Variants in TMEM64 observed in about 807,000 individuals in gnomAD.
TMEM64 encodes the protein transmembrane protein 64.
TMEM64 carries 19 observed loss-of-function variants against 24.5 expected under a neutral mutation model. That is an observed-to-expected ratio of 0.78 (90% CI 0.54 to 1.14). The LOEUF (loss-of-function observed/expected upper bound fraction) is 1.14, where lower values mean the gene tolerates loss of function less well. TMEM64 is among the 50% of genes most tolerant of loss of function. TMEM64 has a pLI of 0.00. For synonymous variants in TMEM64, 262 were observed against 224.7 expected (o/e 1.17, Z -1.49); for missense variants, 487 against 493.0 (o/e 0.99, Z 0.12).
At chr8:90,630,947 C>T (rs1809427049) in intron 2 of TMEM64, among the ~76,000 whole-genome samples, 1 of 152,176 alleles carries the variant, frequency 6.6e-6, no homozygotes, top group Non-Finnish European at 1.5e-5. Flanking sequence ...CTTTCATCAA[C>T]TTCTTATGTA....
Position 90,645,187 on chromosome 8 carries a change from C to T in TMEM64, c.719G>A (p.Gly240Glu). 1 of 1,614,194 alleles carries T rather than the reference C, an allele frequency of 6.2e-7. No individual in the cohort carries two copies. Among genetic ancestry groups the T allele is most frequent in the Non-Finnish European group, 8.5e-7 (1 of 1,180,028 alleles). Residue 240 changes from glycine to glutamate, a missense_variant, in exon 1 of 3, where the codon GGA (glycine) becomes GAA (glutamate). Physicochemically the swap from Gly to Glu is moderately conservative, Grantham distance 98. Coordinates refer to ENST00000458549, the MANE Select transcript of TMEM64 (RefSeq NM_001008495.4). The surrounding 1 kb of genome is among the most constrained non-coding windows in gnomAD (Gnocchi z 4.2). ...CGCCACCACTTTCAGGCCGCTTCCT[C>T]CCTCCACTACGCGAATAACCGCGCT... is the stretch of plus-strand genomic sequence containing the variant. ...KLSAVIRVVEGGSGLKVVALA... is the reference protein window; with the variant it reads ...KLSAVIRVVEEGSGLKVVALA...
At chr8:90,639,418 G>T (rs982126954) in intron 1 of TMEM64, among the ~76,000 whole-genome samples, 7 of 152,094 alleles carry the variant, frequency 4.6e-5, no homozygotes, top group Admixed American at 1.3e-4. Flanking sequence ...TTCTCTCAAG[G>T]GGGGAAAAAT....
chr8:90,623,665 TCATTA>T lies in TMEM64; in HGVS notation c.*2001_*2005del. On this transcript the variant is annotated 3_prime_UTR_variant, in exon 3 of 3. Transcript: ENST00000458549. The stretch of plus-strand genomic sequence containing the variant: ...AGCAAAGTGTAACAATTAGAAGAAC[TCATTA>T]CAAACTACCAAAATGTATTCATTTG... The T allele has an allele frequency of 6.6e-6, 1 of 152,636 alleles. No individual in the cohort carries two copies. The highest frequency in any genetic ancestry group is 1.5e-5 in the Non-Finnish European group (1 of 67,962). The allele number at this position is 152,636 out of a possible 1,614,324, so 9.5% of individuals were successfully genotyped here. A position where few individuals can be genotyped will look rare whatever the true frequency, so the allele number is the denominator to read the frequency against.
rs1364337779 is a variant in TMEM64 at position 90,645,017 on chromosome 8, C to T, written c.795+94G>A. 2.3e-6 allele frequency: 3 copies of T among 1,328,438 alleles called. No individual in the cohort carries two copies. The highest frequency in any genetic ancestry group is 2.9e-5 in the African/African-American group (2 of 68,178). 82.3% of individuals were successfully genotyped at this position (1,328,438 alleles called of 1,614,324 possible). A position where few individuals can be genotyped will look rare whatever the true frequency, so the allele number is the denominator to read the frequency against. On this transcript the variant is annotated intron_variant, in intron 1 of 2. Coordinates refer to ENST00000458549, the MANE Select transcript of TMEM64 (RefSeq NM_001008495.4). The surrounding 1 kb of genome is among the most constrained non-coding windows in gnomAD (Gnocchi z 4.2). ...TCCTGCCGTCAATGTCACTTCTCTG[C>T]TGGTATTTATCTGATAGAGCGCCCT...
At chr8:90,630,913 T>C (rs906549539) in intron 2 of TMEM64, among the ~76,000 whole-genome samples, 10 of 152,226 alleles carry the variant, frequency 6.6e-5, no homozygotes, top group Admixed American at 2.6e-4. Flanking sequence ...CTAAAGAAAT[T>C]TGCCTATGTG....
intron 1 of TMEM64, among the ~76,000 whole-genome samples, chr8:90,642,279 T>C (rs550904762): frequency 6.6e-6 from 1 of 152,308 alleles, no homozygotes. Flanking sequence ...GAAGGCCAGA[T>C]GGCACAGACT....
chr8:90,643,945 G>C (rs369510912), intron 1 of TMEM64, among the ~76,000 whole-genome samples: 42 of 152,134 alleles, frequency 2.8e-4, no homozygotes, highest in African/African-American at 9.7e-4. Context: ...AAAGAGAAAG[G>C]TTTTAATTTC....
At chr8:90,640,389 T>A (rs182780603) in intron 1 of TMEM64, among the ~76,000 whole-genome samples, 6 of 152,344 alleles carry the variant, frequency 3.9e-5, no homozygotes, top group Non-Finnish European at 8.8e-5. Flanking sequence ...AATGTGTATT[T>A]TTATAACACA....
intron 1 of TMEM64, among the ~76,000 whole-genome samples, chr8:90,641,679 C>G (rs1425219946): frequency 4.6e-5 from 7 of 152,302 alleles, no homozygotes; most frequent in African/African-American, 1.4e-4. Context: ...TGTGCCTCAA[C>G]TGCTTCAGCT....
chr8:90,632,816 C>A (rs1423328533), intron 1 of TMEM64, among the ~76,000 whole-genome samples: 1 of 152,006 alleles, frequency 6.6e-6, no homozygotes, highest in African/African-American at 2.4e-5. Flanking sequence ...CTAGGAAATA[C>A]CTGGCATATG....
At position 90,645,208 on chromosome 8, in the gene TMEM64, G is replaced by A; in HGVS notation, c.698C>T (p.Ala233Val). 1 of 1,614,164 alleles carries A rather than the reference G, an allele frequency of 6.2e-7. No homozygotes were observed. ...TCCTCCCTCCACTACGCGAATAACC[G>A]CGCTCAGCTTCTCGCTGCTCTGGAT... ...ARIQSSEKLS[A>V]VIRVVEGGSG... Residue 233 changes from alanine to valine, a missense_variant, in exon 1 of 3, where the codon GCG becomes GTG. Physicochemically the swap from Ala to Val is moderately conservative, Grantham distance 64. Transcript: ENST00000458549. This position sits in a 1 kb window ranked among gnomAD's most constrained non-coding sequence, Gnocchi z 4.2.
chr8:90,631,933 T>C (rs914301386), intron 1 of TMEM64, among the ~76,000 whole-genome samples: 1 of 152,262 alleles, frequency 6.6e-6, no homozygotes, highest in Admixed American at 6.5e-5. Flanking sequence ...ATACTACCAT[T>C]GAAAGGTAAC....
At chr8:90,644,972 CGATGGAAA>C (rs1344956884) in intron 1 of TMEM64, 131 bp downstream of exon 1, 5 of 932,082 alleles carry the variant, frequency 5.4e-6, no homozygotes, top group Non-Finnish European at 8.2e-6. Context: ...TCCCAGGCTG[CGATGGAAA>C]GTAATCGTAA....
At chr8:90,631,460 C>G in intron 2 of TMEM64, 92 bp downstream of exon 2, 1 of 1,117,866 alleles carries the variant, frequency 8.9e-7, no homozygotes, top group East Asian at 2.4e-5. Context: ...GAAAAACCCT[C>G]TGATTATTTT....
intron 1 of TMEM64, among the ~76,000 whole-genome samples, chr8:90,632,168 T>TCAGA (rs1809449186): frequency 6.6e-6 from 1 of 152,208 alleles, no homozygotes; most frequent in African/African-American, 2.4e-5. Flanking sequence ...TTTGTCTGGA[T>TCAGA]CAGAGTCTTG....
At chr8:90,644,040 T>C (rs1176047379) in intron 1 of TMEM64, among the ~76,000 whole-genome samples, 1 of 152,260 alleles carries the variant, frequency 6.6e-6, no homozygotes, top group Non-Finnish European at 1.5e-5. Context: ...AATTTACGTT[T>C]TGAAACAAAA....
chr8:90,622,500 C>T lies in TMEM64; in HGVS notation c.*3171G>A, dbSNP rs1809296888. The T allele has an allele frequency of 6.6e-6, 1 of 152,190 alleles. No homozygotes were observed. The highest frequency in any genetic ancestry group is 6.5e-5 in the Admixed American group (1 of 15,280). The allele number at this position is 152,190 out of a possible 1,614,324, so 9.4% of individuals were successfully genotyped here. A position where few individuals can be genotyped will look rare whatever the true frequency, so the allele number is the denominator to read the frequency against. Reference sequence around the variant, plus strand: ...TCTGCAAATGCTGCTTGGCTGTGAACAGCATGGATTTACCTGCACCAATGT... The same window carrying T: ...TCTGCAAATGCTGCTTGGCTGTGAATAGCATGGATTTACCTGCACCAATGT... On this transcript the variant is annotated 3_prime_UTR_variant, in exon 3 of 3. Transcript: ENST00000458549.
At chr8:90,636,260 A>T (rs1385772412) in intron 1 of TMEM64, among the ~76,000 whole-genome samples, 1 of 152,082 alleles carries the variant, frequency 6.6e-6, no homozygotes, top group Non-Finnish European at 1.5e-5. Context: ...TTTTTGTTTT[A>T]TATATATTTT....
intron 2 of TMEM64, among the ~76,000 whole-genome samples, chr8:90,627,806 A>G (rs1043479169): frequency 2.0e-5 from 3 of 152,248 alleles, no homozygotes; most frequent in African/African-American, 7.2e-5. Flanking sequence ...GTGGAAAAAA[A>G]AAGTTAAGAC....
Sources: allele counts gnomAD v4.1 joint callset (sites outside exome capture counted in the v4.1 genomes callset), GRCh38; gene constraint gnomAD v4.1.1; non-coding constraint Gnocchi (gnomAD v3.1); transcripts MANE v1.5; gene names NCBI Gene and HGNC (gene_info 2026-07-23, HGNC 2026-07-21).